The following THRB variants were observed in gnomAD, a reference collection of about 807,000 sequenced individuals.
THRB encodes the protein nuclear receptor subfamily 1 group A member 2.
Under a neutral mutation model 47.8 loss-of-function variants are expected in THRB, and 12 were observed. The ratio of observed to expected loss-of-function variants is 0.25; its 90% CI spans 0.16 to 0.41. The LOEUF is 0.41. Ranked by LOEUF, THRB falls within the 10% of genes least tolerant of loss-of-function variation. The pLI, the probability that THRB is intolerant of heterozygous loss-of-function variation, is 1.00. For missense variants in THRB, 348 were observed against 589.2 expected, an observed-to-expected ratio of 0.59 and a Z score of 4.24; for synonymous variants, 218 against 212.2, an observed-to-expected ratio of 1.03 and a Z score of -0.24.
chr3:24,401,027 T>C (rs2067354488), intron 1 of THRB, among the ~76,000 whole-genome samples: 1 of 152,058 alleles, frequency 6.6e-6, no homozygotes, highest in Non-Finnish European at 1.5e-5. Flanking sequence ...CCAAAGTGTC[T>C]GAGACTACAG....
chr3:24,420,600 A>G (rs1218746477), intron 1 of THRB, among the ~76,000 whole-genome samples: 1 of 151,992 alleles, frequency 6.6e-6, no homozygotes, highest in Non-Finnish European at 1.5e-5. Context: ...TATGAAAAAA[A>G]GCTCAACATC....
chr3:24,212,362 C>T (rs1475758267), intron 4 of THRB, among the ~76,000 whole-genome samples: 4 of 151,966 alleles, frequency 2.6e-5, no homozygotes, highest in Non-Finnish European at 4.4e-5. Context: ...CGCTCCCTTG[C>T]ACTCCAGCCT....
intron 1 of THRB, among the ~76,000 whole-genome samples, chr3:24,365,814 A>G (rs2064415453): frequency 6.6e-6 from 1 of 152,156 alleles, no homozygotes; most frequent in Non-Finnish European, 1.5e-5. Context: ...TACTTATTTT[A>G]TAATGGCTTC....
intron 2 of THRB, among the ~76,000 whole-genome samples, chr3:24,311,823 A>G (rs1385772255): frequency 6.6e-6 from 1 of 152,178 alleles, no homozygotes; most frequent in Non-Finnish European, 1.5e-5. Context: ...TTCATACTCT[A>G]TCCAGACTGA....
chr3:24,338,393 A>C (rs941120515), intron 1 of THRB, among the ~76,000 whole-genome samples: 4 of 152,168 alleles, frequency 2.6e-5, no homozygotes, highest in Non-Finnish European at 5.9e-5. Context: ...ATGTTTGTGT[A>C]TTTTTAATTT....
At chr3:24,158,841 CCTCTCTCTCTCT>C (rs10530553) in intron 5 of THRB, among the ~76,000 whole-genome samples, 38 of 147,554 alleles carry the variant, frequency 2.6e-4, no homozygotes, top group South Asian at 8.7e-4. Flanking sequence ...GACAGCTCTT[CCTCTCTCTCTCT>C]CTCTCTCTCT....
intron 3 of THRB, among the ~76,000 whole-genome samples, chr3:24,262,819 C>T (rs145996416): frequency 0.013 from 1,981 of 152,234 alleles, 40 homozygotes; most frequent in African/African-American, 0.036. Context: ...CCCTACTAGA[C>T]GGTAAACACC....
At chr3:24,280,870 G>A (rs559412874) in intron 3 of THRB, among the ~76,000 whole-genome samples, 316 of 152,268 alleles carry the variant, frequency 2.1e-3, no homozygotes, top group African/African-American at 7.2e-3. Context: ...AATGAAGCGA[G>A]AAGGGAAGTT....
At chr3:24,165,289 C>T in intron 5 of THRB, 1 of 765,086 alleles carries the variant, frequency 1.3e-6, no homozygotes, top group South Asian at 1.3e-5. Context: ...AATCAGTGGA[C>T]TGCATGTAGC....
intron 5 of THRB, among the ~76,000 whole-genome samples, chr3:24,161,619 C>CACACACACAG (rs957935224): frequency 7.6e-6 from 1 of 131,486 alleles, no homozygotes; most frequent in Admixed American, 7.6e-5. Context: ...AGCTACAGAA[C>CACACACACAG]ACACACACAC....
intron 1 of THRB, among the ~76,000 whole-genome samples, chr3:24,478,996 C>G (rs1351158992): frequency 1.3e-5 from 2 of 152,144 alleles, no homozygotes; most frequent in African/African-American, 4.8e-5. Flanking sequence ...GCCAGAGATG[C>G]TGCTAAATAT....
chr3:24,390,077 C>T (rs1160162947), intron 1 of THRB, among the ~76,000 whole-genome samples: 1 of 152,120 alleles, frequency 6.6e-6, no homozygotes, highest in African/African-American at 2.4e-5. Flanking sequence ...AGACCATGTG[C>T]TCTTGGTACT....
intron 4 of THRB, among the ~76,000 whole-genome samples, chr3:24,206,596 G>A (rs2045382258): frequency 6.6e-6 from 1 of 152,068 alleles, no homozygotes; most frequent in African/African-American, 2.4e-5. Flanking sequence ...AAAGAACTAG[G>A]AGAAGCAAGA....
intron 2 of THRB, among the ~76,000 whole-genome samples, chr3:24,325,647 A>T (rs1299806413): frequency 6.6e-6 from 1 of 152,170 alleles, no homozygotes; most frequent in Non-Finnish European, 1.5e-5. Flanking sequence ...AGATTATGCC[A>T]CTGCACTCCA....
intron 1 of THRB, among the ~76,000 whole-genome samples, chr3:24,426,935 G>C (rs1359556718): frequency 2.0e-5 from 3 of 151,910 alleles, no homozygotes; most frequent in Non-Finnish European, 4.4e-5. Context: ...TAGAACAACA[G>C]GCTTCAACTA....
intron 5 of THRB, among the ~76,000 whole-genome samples, chr3:24,158,738 T>C (rs1399995556): frequency 6.6e-6 from 1 of 152,204 alleles, no homozygotes; most frequent in East Asian, 1.9e-4. Flanking sequence ...CCTGAGAACA[T>C]ATTTCTTCAT....
At chr3:24,327,254 G>A in intron 2 of THRB, among the ~76,000 whole-genome samples, 1 of 151,624 alleles carries the variant, frequency 6.6e-6, no homozygotes, top group East Asian at 1.9e-4. Flanking sequence ...TAAATGCTCA[G>A]GGACCCCCCC....
chr3:24,259,868 G>A (rs937424353), intron 3 of THRB, among the ~76,000 whole-genome samples: 5 of 151,986 alleles, frequency 3.3e-5, no homozygotes, highest in Non-Finnish European at 2.9e-5. Flanking sequence ...GTGTGTGTGT[G>A]TATGTAAGTT....
chr3:24,139,944 T>G (rs2035223826), intron 8 of THRB, among the ~76,000 whole-genome samples: 3 of 152,186 alleles, frequency 2.0e-5, no homozygotes, highest in Admixed American at 1.3e-4. Context: ...CACGTGGCAG[T>G]GTTGCAAGCA....
Sources: gnomAD v4.1 joint callset for allele counts (sites outside exome capture counted in the v4.1 genomes callset) on GRCh38, gnomAD v4.1.1 for gene constraint, MANE v1.5 for transcripts, NCBI Gene and HGNC (gene_info 2026-07-23, HGNC 2026-07-21) for gene names.